Variants in SETBP1 observed in about 807,000 individuals in gnomAD.
SETBP1 encodes SET-binding protein.
Under a neutral mutation model 101.0 loss-of-function variants are expected in SETBP1, and 9 were observed. That is an observed-to-expected ratio of 0.09 (90% confidence interval 0.05 to 0.16). SETBP1 has a LOEUF of 0.16. Among genes scored for constraint, SETBP1 ranks in the 10% least tolerant of loss-of-function variants. SETBP1 has a pLI of 1.00. For missense variants in SETBP1, 1,858 were observed against 2,033.8 expected, an observed-to-expected ratio of 0.91 and a Z score of 1.66; for synonymous variants, 818 against 788.5, an observed-to-expected ratio of 1.04 and a Z score of -0.63.
Position 44,955,023 on chromosome 18 carries a change from G to A in SETBP1, c.4000+1683G>A, listed in dbSNP as rs553642883. Reference sequence around the variant, plus strand: ...AGGGGTAATTGTTAAGAACCTACACGCAAAAATCCTAACTTAACAGACCCA... The same window carrying A: ...AGGGGTAATTGTTAAGAACCTACACACAAAAATCCTAACTTAACAGACCCA... On this transcript the variant is annotated intron_variant, in intron 4 of 5. Coordinates refer to ENST00000649279, the MANE Select transcript of SETBP1 (RefSeq NM_015559.3). Among the ~76,000 whole-genome samples the A allele has an allele frequency of 7.9e-5, 12 of 152,202 alleles. 1 individual carries two copies. Among genetic ancestry groups the A allele is most frequent in the Admixed American group, 2.6e-4 (4 of 15,272 alleles).
Position 44,885,857 on chromosome 18 carries a change from C to CAAAAAAAAAAAAAAAAAAAAAAAAAAA in SETBP1, c.540+16585_540+16586insAAAAAAAAAAAAAAAAAAAAAAAAAAA, listed in dbSNP as rs1555696149. Reference sequence around the variant, plus strand: ...CCCATTTCATTAAAAAAAAAAAAAACAAAAAAAAAAACAAGGTGACTTACC... The same window carrying CAAAAAAAAAAAAAAAAAAAAAAAAAAA: ...CCCATTTCATTAAAAAAAAAAAAAACAAAAAAAAAAAAAAAAAAAAAAAAAAAAAAAAAAAAAACAAGGTGACTTACC... On this transcript the variant is annotated intron_variant, in intron 3 of 5. Coordinates refer to ENST00000649279, the MANE Select transcript of SETBP1 (RefSeq NM_015559.3). Among the ~76,000 whole-genome samples, 3 of 78,164 alleles carry CAAAAAAAAAAAAAAAAAAAAAAAAAAA rather than the reference C, an allele frequency of 3.8e-5. 1 individual carries two copies. The highest frequency in any genetic ancestry group is 1.2e-4 in the African/African-American group (2 of 17,262). The allele number at this position is 78,164 out of a possible 152,430, so 51.3% of individuals were successfully genotyped here.
At chr18:44,773,221 A>C (rs371933268) in intron 2 of SETBP1, among the ~76,000 whole-genome samples, 13 of 152,244 alleles carry the variant, frequency 8.5e-5, no homozygotes, top group African/African-American at 2.9e-4. Flanking sequence ...GGTGCCCTAG[A>C]TCTCTGCACT....
At chr18:44,753,153 C>A (rs1346531317) in intron 2 of SETBP1, among the ~76,000 whole-genome samples, 1 of 152,134 alleles carries the variant, frequency 6.6e-6, no homozygotes, top group African/African-American at 2.4e-5. Context: ...CAAAACCCTA[C>A]AGAGAAAGAT....
intron 2 of SETBP1, among the ~76,000 whole-genome samples, chr18:44,711,125 G>C (rs952929092): frequency 6.6e-6 from 1 of 152,130 alleles, no homozygotes; most frequent in Non-Finnish European, 1.5e-5. Context: ...ATCTGAGTGC[G>C]TTGAACAGGA....
intron 3 of SETBP1, among the ~76,000 whole-genome samples, chr18:44,932,630 G>C (rs12969987): frequency 0.25 from 37,395 of 152,048 alleles, 4,627 homozygotes; most frequent in East Asian, 0.27. Context: ...TGGAGGCTTT[G>C]TTCATTTCTT....
chr18:44,762,520 A>C (rs1463215850), intron 2 of SETBP1, among the ~76,000 whole-genome samples: 2 of 152,210 alleles, frequency 1.3e-5, no homozygotes, highest in African/African-American at 4.8e-5. Flanking sequence ...ATAACCATTG[A>C]CTTGTCTCTT....
intron 4 of SETBP1, among the ~76,000 whole-genome samples, chr18:44,961,688 G>C (rs1288478191): frequency 6.6e-6 from 1 of 152,044 alleles, no homozygotes; most frequent in Non-Finnish European, 1.5e-5. Flanking sequence ...GTGTAGAAAA[G>C]GTAAAGGTTA....
intron 2 of SETBP1, among the ~76,000 whole-genome samples, chr18:44,784,581 C>T (rs917777305): frequency 2.0e-5 from 3 of 152,284 alleles, no homozygotes; most frequent in Middle Eastern, 3.4e-3. Context: ...GATTTATTGT[C>T]ATCTGAATTG....
chr18:44,885,857 C>CAAAAAAAAAAAAAAAAAAAAAA (rs1555696149), intron 3 of SETBP1, among the ~76,000 whole-genome samples: 4 of 78,162 alleles, frequency 5.1e-5, no homozygotes, highest in African/African-American at 1.2e-4. Flanking sequence ...AAAAAAAAAA[C>CAAAAAAAAAAAAAAAAAAAAAA]AAAAAAAAAA....
At chr18:44,888,039 C>T (rs1170420785) in intron 3 of SETBP1, among the ~76,000 whole-genome samples, 1 of 152,054 alleles carries the variant, frequency 6.6e-6, no homozygotes, top group Non-Finnish European at 1.5e-5. Flanking sequence ...AAATAAGGAA[C>T]TGAAACATTA....
intron 2 of SETBP1, among the ~76,000 whole-genome samples, chr18:44,784,038 G>A (rs1008361499): frequency 6.6e-6 from 1 of 152,200 alleles, no homozygotes; most frequent in Middle Eastern, 3.2e-3. Flanking sequence ...TCACTGACAG[G>A]GACTTGGGTA....
At chr18:44,832,712 C>T (rs1407549777) in intron 2 of SETBP1, among the ~76,000 whole-genome samples, 2 of 152,182 alleles carry the variant, frequency 1.3e-5, no homozygotes, top group African/African-American at 2.4e-5. Flanking sequence ...GTTCTCATTA[C>T]AGGGGCCTGG....
At chr18:45,043,462 A>G (rs1010895774) in intron 5 of SETBP1, among the ~76,000 whole-genome samples, 3 of 151,802 alleles carry the variant, frequency 2.0e-5, no homozygotes, top group African/African-American at 4.8e-5. Context: ...GCAAACATGT[A>G]TCAGCCATGC....
At chr18:44,993,692 A>C (rs534769776) in intron 4 of SETBP1, among the ~76,000 whole-genome samples, 16 of 152,220 alleles carry the variant, frequency 1.1e-4, no homozygotes, top group African/African-American at 3.8e-4. Context: ...CCTCAAATTT[A>C]TCTATAGATT....
At chr18:44,807,515 G>A (rs1157549203) in intron 2 of SETBP1, among the ~76,000 whole-genome samples, 4 of 152,028 alleles carry the variant, frequency 2.6e-5, no homozygotes, top group Admixed American at 6.6e-5. Context: ...GTTTCTGGCC[G>A]AGAGTACTTA....
chr18:45,034,986 C>T (rs1240083075), intron 4 of SETBP1, among the ~76,000 whole-genome samples: 3 of 147,800 alleles, frequency 2.0e-5, no homozygotes, highest in East Asian at 1.9e-4. Flanking sequence ...TGGGAAGAAA[C>T]GTTTCAAATG....
At chr18:44,755,960 A>G (rs1351480612) in intron 2 of SETBP1, among the ~76,000 whole-genome samples, 1 of 152,174 alleles carries the variant, frequency 6.6e-6, no homozygotes, top group Admixed American at 6.5e-5. Context: ...TCACACCTGT[A>G]ATCCCAGCAC....
chr18:44,701,737 A>G lies in SETBP1; in HGVS notation c.391A>G (p.Ile131Val). ...CTATATATGTCCACCTGAGATCAAGATCACCATCAAGCAGTCTGGGGACCA... is the reference window on the plus strand; with the variant it reads ...CTATATATGTCCACCTGAGATCAAGGTCACCATCAAGCAGTCTGGGGACCA... ...ENYICPPEIK[I>V]TIKQSGDQKV... is the part of the protein sequence containing the mutation. The change falls in exon 2 of 6, where the codon ATC (isoleucine) becomes GTC (valine). Residue 131 changes from isoleucine to valine, a missense_variant. Around this residue, in one of 12 missense-constraint regions of SETBP1, gnomAD observed 581 missense variants for 535.1 expected, o/e 1.09. Coordinates refer to ENST00000649279, the MANE Select transcript of SETBP1 (RefSeq NM_015559.3). 6.2e-7 allele frequency: 1 copy of G among 1,614,166 alleles called. No homozygotes were observed. The highest frequency in any genetic ancestry group is 1.1e-5 in the South Asian group (1 of 91,074).
At chr18:44,991,813 C>A (rs1434800377) in intron 4 of SETBP1, among the ~76,000 whole-genome samples, 1 of 152,088 alleles carries the variant, frequency 6.6e-6, no homozygotes, top group Non-Finnish European at 1.5e-5. Context: ...CGCATAAGTG[C>A]TACATCCAAC....
Sources: gnomAD v4.1 joint callset for allele counts (sites outside exome capture counted in the v4.1 genomes callset) on GRCh38, gnomAD v4.1.1 for gene constraint, gnomAD v4.1.1 regional missense constraint, MANE v1.5 for transcripts, NCBI Gene and HGNC (gene_info 2026-07-23, HGNC 2026-07-21) for gene names.